Variants in PHAF1 observed in about 807,000 individuals in gnomAD.
The protein encoded by PHAF1 is phagosome assembly factor 1.
In PHAF1, 23 loss-of-function variants were observed where a neutral mutation model predicts 63.1. The observed-to-expected ratio is 0.36, with a 90% confidence interval of 0.26 to 0.52. PHAF1 has a LOEUF of 0.52. PHAF1 is among the 20% of genes least tolerant of loss of function. PHAF1 has a pLI of 0.93. For missense variants in PHAF1, 427 were observed against 517.2 expected, an observed-to-expected ratio of 0.83 and a Z score of 1.69; for synonymous variants, 167 against 185.0, an observed-to-expected ratio of 0.90 and a Z score of 0.79.
At chr16:67,137,868 G>T (rs542264820) in intron 8 of PHAF1, among the ~76,000 whole-genome samples, 5 of 152,088 alleles carry the variant, frequency 3.3e-5, no homozygotes, top group African/African-American at 1.2e-4. Context: ...CAAATGATTT[G>T]TTAAGTCAGG....
intron 2 of PHAF1, among the ~76,000 whole-genome samples, chr16:67,125,369 G>C (rs536798192): frequency 1.3e-3 from 191 of 152,204 alleles, no homozygotes; most frequent in African/African-American, 4.3e-3. Context: ...TGGGAGGCTG[G>C]GGGGAGAGAG....
At position 67,110,028 on chromosome 16, in the gene PHAF1, G is replaced by A. The variant is rs981455552; in HGVS notation, c.-148G>A. 9 of 757,650 alleles carry A rather than the reference G, an allele frequency of 1.2e-5. No homozygotes were observed. The highest frequency in any genetic ancestry group is 2.0e-5 in the Non-Finnish European group (9 of 461,462). 46.9% of individuals were successfully genotyped at this position (757,650 alleles called of 1,614,324 possible). A position where few individuals can be genotyped will look rare whatever the true frequency, so the allele number is the denominator to read the frequency against. On this transcript the variant is annotated 5_prime_UTR_variant, in exon 1 of 16. Transcript: ENST00000219139. ...AGGTGAGGTGTGGTGTTGGGCCGGT[G>A]CTGCTGCCGCTGCCGCCGGGGAGGA...
At chr16:67,142,527 G>T (rs952455722) in intron 10 of PHAF1, among the ~76,000 whole-genome samples, 2 of 152,362 alleles carry the variant, frequency 1.3e-5, no homozygotes, top group East Asian at 3.9e-4. Context: ...GCGGCAGGGG[G>T]CTAGTGTGTC....
At chr16:67,127,355 T>A (rs1963232662) in intron 3 of PHAF1, among the ~76,000 whole-genome samples, 1 of 152,188 alleles carries the variant, frequency 6.6e-6, no homozygotes, top group South Asian at 2.1e-4. Flanking sequence ...GTTCTCATCA[T>A]CCTTGTCACA....
intron 1 of PHAF1, among the ~76,000 whole-genome samples, chr16:67,117,791 G>A (rs1962799230): frequency 6.7e-6 from 1 of 149,572 alleles, no homozygotes; most frequent in Admixed American, 6.7e-5. Flanking sequence ...AGATATTCAG[G>A]AATGCCTCGC....
At chr16:67,118,088 A>G (rs1338566607) in intron 1 of PHAF1, among the ~76,000 whole-genome samples, 2 of 138,510 alleles carry the variant, frequency 1.4e-5, no homozygotes, top group Non-Finnish European at 3.1e-5. Context: ...CCAAGTAACT[A>G]TGGGACTACA....
rs1555545402 is a variant in PHAF1, at chr16:67,131,200, T to TA, written c.232-85dup. The TA allele has an allele frequency of 3.0e-3, 1,556 of 523,016 alleles. 8 individuals carry two copies. The highest frequency in any genetic ancestry group is 3.3e-3 in the Non-Finnish European group (1,050 of 319,406). The allele number at this position is 523,016 out of a possible 1,614,324, so 32.4% of individuals were successfully genotyped here. On this transcript the variant is annotated intron_variant, in intron 3 of 15. Transcript: ENST00000219139. Reference sequence around the variant, plus strand: ...TAATAGTTTTTTTTTTTTTTTTTTTTACTATTTATTCTATAAATGTATTTT... The same window carrying TA: ...TAATAGTTTTTTTTTTTTTTTTTTTTAACTATTTATTCTATAAATGTATTTT...
intron 3 of PHAF1, among the ~76,000 whole-genome samples, chr16:67,127,100 C>G (rs1046678924): frequency 7.2e-5 from 11 of 152,054 alleles, no homozygotes; most frequent in African/African-American, 2.4e-4. Context: ...GATCTCTTGA[C>G]CTCGTGATCC....
Position 67,120,297 on chromosome 16 carries a change from T to C in PHAF1, c.147+103T>C. The C allele has an allele frequency of 2.9e-6, 3 of 1,043,606 alleles. No homozygotes were observed. In the South Asian group the frequency reaches 4.5e-5, roughly 16 times the overall value. 64.6% of individuals were successfully genotyped at this position (1,043,606 alleles called of 1,614,324 possible). On this transcript the variant is annotated intron_variant, in intron 2 of 15. Transcript: ENST00000219139. The stretch of plus-strand genomic sequence containing the variant: ...GGCTGACTGGCAAGGATAGCTGTGT[T>C]CGAATGGGAGAATCTCTAGCACCAG...
intron 8 of PHAF1, among the ~76,000 whole-genome samples, chr16:67,138,960 C>G (rs1277460987): frequency 1.3e-5 from 2 of 152,154 alleles, no homozygotes; most frequent in Non-Finnish European, 2.9e-5. Context: ...ACTCTGTCAC[C>G]CAGGCTGGAA....
intron 1 of PHAF1, among the ~76,000 whole-genome samples, chr16:67,115,460 CAA>C (rs1242850139): frequency 6.6e-6 from 1 of 152,196 alleles, no homozygotes; most frequent in Non-Finnish European, 1.5e-5. Flanking sequence ...GTGCAAGTAA[CAA>C]AGGGTGAACA....
chr16:67,132,672 C>T lies in PHAF1; in HGVS notation c.356-145C>T, dbSNP rs745537230. ...ACTTGGGTGTGAAGGAAACATCCTC[C>T]CCCTTGTTTTCAACCTAGTAGGCCA... On this transcript the variant is annotated intron_variant, in intron 5 of 15. Coordinates refer to ENST00000219139, the MANE Select transcript of PHAF1 (RefSeq NM_025187.5). The T allele has an allele frequency of 5.9e-6, 7 of 1,193,232 alleles. No homozygotes were observed. The African/African-American group carries it at 7.5e-5, about 13-fold the overall frequency. The allele number at this position is 1,193,232 out of a possible 1,614,324, so 73.9% of individuals were successfully genotyped here. A position where few individuals can be genotyped will look rare whatever the true frequency, so the allele number is the denominator to read the frequency against.
chr16:67,130,139 C>T (rs113040379), intron 3 of PHAF1, among the ~76,000 whole-genome samples: 6,683 of 145,254 alleles, frequency 0.046, 484 homozygotes, highest in African/African-American at 0.16. Flanking sequence ...CTCTGCCTCC[C>T]GGGTTCACGC....
intron 10 of PHAF1, among the ~76,000 whole-genome samples, chr16:67,141,039 G>A (rs1597214917): frequency 6.6e-6 from 1 of 152,230 alleles, no homozygotes; most frequent in Admixed American, 6.5e-5. Context: ...CAGGGAGCTG[G>A]ATATAGCTGG....
intron 2 of PHAF1, among the ~76,000 whole-genome samples, chr16:67,122,491 TGAGGTGGGAGGATCATGAGCA>T (rs1305470043): frequency 6.7e-6 from 1 of 149,464 alleles, no homozygotes; most frequent in Admixed American, 6.8e-5. Flanking sequence ...TTCAGGAGGC[TGAGGTGGGAGGATCATGAGCA>T]GTGAGGTATG....
At chr16:67,118,849 A>G (rs1962862656) in intron 1 of PHAF1, among the ~76,000 whole-genome samples, 1 of 137,248 alleles carries the variant, frequency 7.3e-6, no homozygotes. Context: ...ATCATGGCTC[A>G]CTGCAGGATC....
At position 67,140,697 on chromosome 16, in the gene PHAF1, T is replaced by C. The variant is rs141621654; in HGVS notation, c.879+103T>C. ...ATGCAGCTGGAACCATGCCTGGACA[T>C]TGGGGAACCTAGCCCCAGCTGTCTT... On this transcript the variant is annotated intron_variant, in intron 10 of 15. Transcript: ENST00000219139. The C allele has an allele frequency of 2.4e-4, 226 of 933,104 alleles. No individual in the cohort carries two copies. In the African/African-American group the frequency reaches 3.3e-3, roughly 14 times the overall value. The allele number at this position is 933,104 out of a possible 1,614,324, so 57.8% of individuals were successfully genotyped here.
At chr16:67,113,935 T>G (rs1405724334) in intron 1 of PHAF1, among the ~76,000 whole-genome samples, 1 of 151,814 alleles carries the variant, frequency 6.6e-6, no homozygotes, top group African/African-American at 2.4e-5. Context: ...ACTCCTGACT[T>G]CAAGTGATCC....
chr16:67,112,614 G>T (rs1022728755), intron 1 of PHAF1, among the ~76,000 whole-genome samples: 1 of 152,036 alleles, frequency 6.6e-6, no homozygotes, highest in Non-Finnish European at 1.5e-5. Context: ...AGAGAGCAAG[G>T]CTTCTCTCAG....
Sources: allele counts gnomAD v4.1 joint callset (sites outside exome capture counted in the v4.1 genomes callset), GRCh38; gene constraint gnomAD v4.1.1; transcripts MANE v1.5; gene names NCBI Gene and HGNC (gene_info 2026-07-23, HGNC 2026-07-21).